Variants in ZFHX3 observed in about 807,000 individuals in gnomAD.
ZFHX3 encodes the protein zinc finger homeobox 3.
In ZFHX3, 42 loss-of-function variants were observed where a neutral mutation model predicts 279.1. The observed-to-expected ratio is 0.15, with a 90% CI of 0.12 to 0.19. ZFHX3 has a LOEUF of 0.19. Ranked by LOEUF, ZFHX3 falls within the 10% of genes least tolerant of loss-of-function variation. The probability of loss-of-function intolerance (pLI) is 1.00; values close to 1 mark genes in which losing one functional copy is unlikely to be tolerated. For synonymous variants in ZFHX3, 2,293 were observed against 1,957.8 expected, an observed-to-expected ratio of 1.17 and a Z score of -4.52; for missense variants, 4,981 against 4,754.0, an observed-to-expected ratio of 1.05 and a Z score of -1.40.
At chr16:73,744,133 A>G (rs970610219) in intron 1 of ZFHX3, among the ~76,000 whole-genome samples, 5 of 152,254 alleles carry the variant, frequency 3.3e-5, no homozygotes, top group Admixed American at 2.6e-4. Flanking sequence ...ATTAGTATCT[A>G]AAAGATCTTT....
chr16:73,396,186 A>G (rs11642113), intron 3 of ZFHX3, among the ~76,000 whole-genome samples: 42,354 of 152,070 alleles, frequency 0.28, 7,763 homozygotes, highest in Non-Finnish European at 0.41. Context: ...ATCTTTCTCC[A>G]CTCCTTTCTA....
intron 7 of ZFHX3, among the ~76,000 whole-genome samples, chr16:73,116,795 C>A (rs1355370973): frequency 1.3e-5 from 2 of 152,150 alleles, no homozygotes; most frequent in African/African-American, 4.8e-5. Context: ...GCTGGAAAAA[C>A]CACATTTTTC....
At chr16:73,148,097 G>A (rs7192296) in intron 5 of ZFHX3, among the ~76,000 whole-genome samples, 57,664 of 152,036 alleles carry the variant, frequency 0.38, 11,350 homozygotes, top group Middle Eastern at 0.5. Context: ...TGTAAATAAA[G>A]TTTTATTGGA....
At chr16:73,055,688 GCGCGCGCGCGCACA>G (rs1374496990) in intron 1 of ZFHX3, among the ~76,000 whole-genome samples, 2 of 90,510 alleles carry the variant, frequency 2.2e-5, no homozygotes, top group African/African-American at 3.6e-5. Context: ...ACGCGCGCGC[GCGCGCGCGCGCACA>G]CACACACACA....
Position 72,783,743 on chromosome 16 carries a change from T to C in ZFHX3, c.*3421A>G, listed in dbSNP as rs1845481193. ...TATAGGGAGAAAACCAAAAAACGAG[T>C]GTCAATGGAGGTGAAGAACTAATTT... On this transcript the variant is annotated 3_prime_UTR_variant, in exon 10 of 10. Transcript: ENST00000268489. 1 of 152,046 alleles carries C rather than the reference T, an allele frequency of 6.6e-6. No individual in the cohort carries two copies. The highest frequency in any genetic ancestry group is 2.4e-5 in the African/African-American group (1 of 41,410). The allele number at this position is 152,046 out of a possible 1,614,324, so 9.4% of individuals were successfully genotyped here. A position where few individuals can be genotyped will look rare whatever the true frequency, so the allele number is the denominator to read the frequency against.
intron 4 of ZFHX3, among the ~76,000 whole-genome samples, chr16:72,877,570 T>C (rs976374564): frequency 5.3e-5 from 8 of 152,214 alleles, no homozygotes; most frequent in Admixed American, 5.2e-4. Context: ...TCGTGTCTGG[T>C]GTTTATGTTG....
At chr16:73,581,204 G>A (rs1319649669) in intron 2 of ZFHX3, among the ~76,000 whole-genome samples, 2 of 151,710 alleles carry the variant, frequency 1.3e-5, no homozygotes, top group African/African-American at 4.9e-5. Flanking sequence ...GGAAAATTTT[G>A]TATTATAATA....
intron 4 of ZFHX3, among the ~76,000 whole-genome samples, chr16:72,868,904 C>G (rs2038086931): frequency 6.6e-6 from 1 of 152,156 alleles, no homozygotes; most frequent in African/African-American, 2.4e-5. Flanking sequence ...AAGAGTGGGT[C>G]TTGGCAGGAA....
chr16:73,697,244 A>C (rs2142213201), intron 1 of ZFHX3, among the ~76,000 whole-genome samples: 1 of 151,942 alleles, frequency 6.6e-6, no homozygotes, highest in South Asian at 2.1e-4. Context: ...GCAATAGTAA[A>C]CAATCTGGAA....
chr16:73,835,419 C>T (rs72803171), intron 1 of ZFHX3, among the ~76,000 whole-genome samples: 96 of 148,726 alleles, frequency 6.5e-4, no homozygotes, highest in Non-Finnish European at 1.3e-3. Context: ...CCCACCATCC[C>T]TCTTCTTTCG....
chr16:72,923,472 G>A (rs1214595626), intron 3 of ZFHX3, among the ~76,000 whole-genome samples: 2 of 148,070 alleles, frequency 1.4e-5, no homozygotes, highest in East Asian at 1.9e-4. Context: ...AAAAAAAGAC[G>A]CTATGAATAT....
rs777919020 is a variant in ZFHX3, at chr16:72,957,631, T to C, written c.2515A>G (p.Met839Val). The change falls in exon 2 of 10, where the codon ATG becomes GTG. Residue 839 changes from methionine to valine, a missense_variant. Met to Val is a conservative substitution (Grantham distance 21). Around this residue, in one of 7 missense-constraint regions of ZFHX3, gnomAD observed 1,751 missense variants for 1,770.0 expected, o/e 0.99. Transcript: ENST00000268489. ...MHNMMLLQQN[M>V]TQIQHNRHLG... is the part of the protein sequence containing the mutation. Reference sequence around the variant, plus strand: ...TGGCGGTTGTGTTGGATCTGGGTCATGTTCTGTTGCAGTAACATCATGTTA... The same window carrying C: ...TGGCGGTTGTGTTGGATCTGGGTCACGTTCTGTTGCAGTAACATCATGTTA... 3 of 1,614,130 alleles carry C rather than the reference T, an allele frequency of 1.9e-6. No homozygotes were observed. Among genetic ancestry groups the C allele is most frequent in the East Asian group, 2.2e-5 (1 of 44,864 alleles).
At chr16:73,396,898 T>C (rs992670389) in intron 3 of ZFHX3, among the ~76,000 whole-genome samples, 1 of 152,202 alleles carries the variant, frequency 6.6e-6, no homozygotes, top group South Asian at 2.1e-4. Context: ...GGTGTGGCCA[T>C]GTGGATGAGT....
intron 7 of ZFHX3, among the ~76,000 whole-genome samples, chr16:73,128,940 A>G (rs547169348): frequency 7.9e-5 from 12 of 152,180 alleles, no homozygotes; most frequent in African/African-American, 1.9e-4. Flanking sequence ...TGTTTTATCA[A>G]TTGAACCCCA....
Position 73,326,868 on chromosome 16 carries a change from C to T in ZFHX3, c.-1290-8532G>A, listed in dbSNP as rs532136436. On this transcript the variant is annotated intron_variant, in intron 3 of 17. Coordinates refer to the ZFHX3 transcript ENST00000641206. The stretch of plus-strand genomic sequence containing the variant: ...TAAATATTGAAACTCCCAACATCAA[C>T]ATACCTTGGAGGCGATGCCATCGAT... Among the ~76,000 whole-genome samples the T allele has an allele frequency of 4.6e-5, 7 of 152,292 alleles. No homozygotes were observed. In the East Asian group the frequency reaches 9.6e-4, roughly 21 times the overall value.
intron 4 of ZFHX3, among the ~76,000 whole-genome samples, chr16:73,314,858 A>G (rs1375551771): frequency 6.6e-6 from 1 of 152,258 alleles, no homozygotes. Flanking sequence ...CCACTTTCCC[A>G]TAAGTTAGAG....
At chr16:73,108,820 A>G (rs1242924345) in intron 7 of ZFHX3, among the ~76,000 whole-genome samples, 1 of 152,270 alleles carries the variant, frequency 6.6e-6, no homozygotes, top group African/African-American at 2.4e-5. Context: ...CGAAAACAAT[A>G]ATAAACACTC....
At chr16:73,054,442 ATTTTT>A (rs34141418) in intron 1 of ZFHX3, among the ~76,000 whole-genome samples, 979 of 91,928 alleles carry the variant, frequency 0.011, 19 homozygotes, top group African/African-American at 0.028. Context: ...AACCAGGAGG[ATTTTT>A]TTTTTTTTTT....
intron 2 of ZFHX3, among the ~76,000 whole-genome samples, chr16:73,632,793 G>A (rs1288601983): frequency 6.6e-6 from 1 of 151,390 alleles, no homozygotes; most frequent in Non-Finnish European, 1.5e-5. Flanking sequence ...ACTGACAGCT[G>A]TGGCTGGGAA....
Sources: gnomAD v4.1 joint callset for allele counts (sites outside exome capture counted in the v4.1 genomes callset) on GRCh38, gnomAD v4.1.1 for gene constraint, gnomAD v4.1.1 regional missense constraint, MANE v1.5 for transcripts, NCBI Gene and HGNC (gene_info 2026-07-23, HGNC 2026-07-21) for gene names.